The following FGG variants were observed in gnomAD, a reference collection of about 807,000 sequenced individuals.
The protein encoded by FGG is fibrinogen, gamma polypeptide.
FGG carries 20 observed loss-of-function variants against 51.7 expected under a neutral mutation model. The ratio of observed to expected loss-of-function variants is 0.39; its 90% CI spans 0.27 to 0.56. The LOEUF is 0.56. Among genes scored for constraint, FGG ranks in the 20% least tolerant of loss-of-function variants. The probability of loss-of-function intolerance (pLI) is 0.64; values close to 1 mark genes in which losing one functional copy is unlikely to be tolerated. For missense variants in FGG, 460 were observed against 534.2 expected (o/e 0.86, Z 1.37); for synonymous variants, 184 against 184.7 (o/e 1.00, Z 0.03).
At position 154,604,855 on chromosome 4, in the gene FGG, A is replaced by G; in HGVS notation, c.1341T>C (p.Leu447=). The G allele has an allele frequency of 6.2e-7, 1 of 1,614,074 alleles. No individual in the cohort carries two copies. The highest frequency in any genetic ancestry group is 8.5e-7 in the Non-Finnish European group (1 of 1,179,948). Reference sequence around the variant, plus strand: ...TTTTCTACAAATCATCCTCAGGGTAAAGTGAGTCATATTCTGTTTCCGCAG... The same window carrying G: ...TTTTCTACAAATCATCCTCAGGGTAGAGTGAGTCATATTCTGTTTCCGCAG... The part of the protein sequence containing the change: ...EHPAETEYDS[L]YPEDDL The change falls in exon 9 of 9, where the codon CTT becomes CTC. Residue 447 remains leucine (L), a synonymous_variant. Coordinates refer to ENST00000336098, the MANE Select transcript of FGG (RefSeq NM_021870.3).
In FGG at chr4:154,604,326, T is replaced by G; in HGVS notation, c.*508A>C. On this transcript the variant is annotated 3_prime_UTR_variant, in exon 9 of 9. Coordinates refer to ENST00000336098, the MANE Select transcript of FGG (RefSeq NM_021870.3). ...AAGTCCTTTAAAAAAGTAAATCTCT[T>G]TTGAAACGGTCTTTTAAACGTCTCC... is the stretch of plus-strand genomic sequence containing the variant. The G allele has an allele frequency of 1.3e-6, 2 of 1,515,096 alleles. No individual in the cohort carries two copies. The highest frequency in any genetic ancestry group is 2.3e-5 in the Admixed American group (1 of 43,476). 93.9% of individuals were successfully genotyped at this position (1,515,096 alleles called of 1,614,324 possible). A position where few individuals can be genotyped will look rare whatever the true frequency, so the allele number is the denominator to read the frequency against.
intron 5 of FGG, 152 bp from the exon 6 acceptor site, chr4:154,609,915 T>C: frequency 6.6e-7 from 1 of 1,507,582 alleles, no homozygotes; most frequent in Non-Finnish European, 9.2e-7. Flanking sequence ...AACTGTTTTT[T>C]TTAGCTATTC....
chr4:154,612,366 AG>A, intron 2 of FGG, 24 bp downstream of exon 2: 1 of 1,611,680 alleles, frequency 6.2e-7, no homozygotes, highest in Non-Finnish European at 8.5e-7. Flanking sequence ...TCACACACAA[AG>A]GGAGAAACAT....
rs148685782 is a variant in FGG, at chr4:154,611,883, G to C, written c.323C>G (p.Ala108Gly). 4,885 of 1,611,606 alleles carry C rather than the reference G, an allele frequency of 3.0e-3. 12 individuals are homozygous for C. Among genetic ancestry groups the C allele is most frequent in the Non-Finnish European group, 3.8e-3 (4,526 of 1,178,788 alleles). The change falls in exon 4 of 9, where the codon GCT (alanine) becomes GGT (glycine). Residue 108 changes from alanine (A) to glycine (G), a missense_variant. By Grantham distance (60) the Ala-to-Gly change is moderately conservative. Transcript: ENST00000336098. ...ESSKPNMIDAATLKSRKMLEE... is the reference protein window; with the variant it reads ...ESSKPNMIDAGTLKSRKMLEE... ...TAACATTTTCCTGGACTTCAAAGTAGCAGCGTCTATCATATCTGTAATATA... is the reference window on the plus strand; with the variant it reads ...TAACATTTTCCTGGACTTCAAAGTACCAGCGTCTATCATATCTGTAATATA...
At position 154,611,797 on chromosome 4, in the gene FGG, A is replaced by T; in HGVS notation, c.401+8T>A. ...TCTTGCAGAGCAAATTAAAACAAAA[A>T]TCCTTACCGAATACTTGAGTCATGT... is the stretch of plus-strand genomic sequence containing the variant. On this transcript the variant is annotated splice_region_variant and intron_variant, in intron 4 of 8. Transcript: ENST00000336098. 6.3e-7 allele frequency: 1 copy of T among 1,590,820 alleles called. No homozygotes were observed. The highest frequency in any genetic ancestry group is 1.1e-5 in the South Asian group (1 of 89,856).
chr4:154,605,411 A>T (rs905038742), intron 8 of FGG, among the ~76,000 whole-genome samples: 1 of 152,172 alleles, frequency 6.6e-6, no homozygotes, highest in African/African-American at 2.4e-5. Context: ...TTAGAAGAGA[A>T]GGAGCCACAA....
rs1263654337 is a variant in FGG, at chr4:154,611,800, C to T, written c.401+5G>A. On this transcript the variant is annotated splice_donor_5th_base_variant and intron_variant, in intron 4 of 8. Transcript: ENST00000336098. Reference sequence around the variant, plus strand: ...TGCAGAGCAAATTAAAACAAAAATCCTTACCGAATACTTGAGTCATGTGTT... The same window carrying T: ...TGCAGAGCAAATTAAAACAAAAATCTTTACCGAATACTTGAGTCATGTGTT... The T allele has an allele frequency of 6.3e-7, 1 of 1,595,280 alleles. No homozygotes were observed. The highest frequency in any genetic ancestry group is 1.7e-5 in the Admixed American group (1 of 59,446).
Position 154,607,080 on chromosome 4 carries a change from G to A in FGG, c.852-98C>T, listed in dbSNP as rs1159584318. 3.5e-6 allele frequency: 5 copies of A among 1,438,484 alleles called. No individual in the cohort carries two copies. In the East Asian group the frequency reaches 6.9e-5, roughly 20 times the overall value. 89.1% of individuals were successfully genotyped at this position (1,438,484 alleles called of 1,614,324 possible). The stretch of plus-strand genomic sequence containing the variant: ...ATGCTTCCTTGGAATTTTTGACTTT[G>A]TTTCTTAAGGCTGAAATTTGCTCAT... On this transcript the variant is annotated intron_variant, in intron 7 of 8. Coordinates refer to ENST00000336098, the MANE Select transcript of FGG (RefSeq NM_021870.3).
chr4:154,607,038 G>T, intron 7 of FGG, 56 bp from the exon 8 acceptor site: 1 of 1,500,950 alleles, frequency 6.7e-7, no homozygotes, highest in Non-Finnish European at 8.9e-7. Context: ...GATCTCAGAA[G>T]TTCCCTCTTT....
At chr4:154,609,002 C>T (rs1004481852) in intron 6 of FGG, among the ~76,000 whole-genome samples, 2 of 152,174 alleles carry the variant, frequency 1.3e-5, no homozygotes, top group Admixed American at 1.3e-4. Flanking sequence ...ATTGCTCAAT[C>T]GGTGTCTGGC....
chr4:154,611,819 A>G lies in FGG; in HGVS notation c.387T>C (p.His129=). The change falls in exon 4 of 9, where the codon CAT becomes CAC. Residue 129 remains histidine, a synonymous_variant. Coordinates refer to ENST00000336098, the MANE Select transcript of FGG (RefSeq NM_021870.3). ...AAAATCCTTACCGAATACTTGAGTCATGTGTTAAAATCGATGCTTCATATT... is the reference window on the plus strand; with the variant it reads ...AAAATCCTTACCGAATACTTGAGTCGTGTGTTAAAATCGATGCTTCATATT... ...IMKYEASILT[H]DSSIRYLQEI... is the part of the protein sequence containing the mutation. 6.2e-7 allele frequency: 1 copy of G among 1,609,404 alleles called. No individual in the cohort carries two copies. Among genetic ancestry groups the G allele is most frequent in the South Asian group, 1.1e-5 (1 of 90,752 alleles).
At position 154,611,790 on chromosome 4, in the gene FGG, A is replaced by G. The variant is rs201708362; in HGVS notation, c.401+15T>C. On this transcript the variant is annotated intron_variant, in intron 4 of 8. Coordinates refer to ENST00000336098, the MANE Select transcript of FGG (RefSeq NM_021870.3). Reference sequence around the variant, plus strand: ...AAATCAGTCTTGCAGAGCAAATTAAAACAAAAATCCTTACCGAATACTTGA... The same window carrying G: ...AAATCAGTCTTGCAGAGCAAATTAAGACAAAAATCCTTACCGAATACTTGA... 1.6e-4 allele frequency: 245 copies of G among 1,573,382 alleles called. No individual in the cohort carries two copies. The highest frequency in any genetic ancestry group is 1.4e-3 in the African/African-American group (106 of 74,158).
chr4:154,606,900 C>A lies in FGG; in HGVS notation c.934G>T (p.Ala312Ser). ...TCAAAGCCATCAAAGGCATCTCCAG[C>A]ATCCCCACCAGCGAAGTAGGCATAT... ...LTYAYFAGGD[A>S]GDAFDGFDFG... The change falls in exon 8 of 9, where the codon GCT becomes TCT. Residue 312 changes from alanine (A) to serine (S), a missense_variant. By Grantham distance (99) the Ala-to-Ser change is moderately conservative. Transcript: ENST00000336098. 6.2e-7 allele frequency: 1 copy of A among 1,613,906 alleles called. No individual in the cohort carries two copies. Among genetic ancestry groups the A allele is most frequent in the Non-Finnish European group, 8.5e-7 (1 of 1,179,846 alleles).
At chr4:154,607,321 G>A (rs1001923647) in intron 7 of FGG, among the ~76,000 whole-genome samples, 4 of 152,156 alleles carry the variant, frequency 2.6e-5, no homozygotes, top group South Asian at 2.1e-4. Context: ...TTATTGAAAT[G>A]TTATGTGTTG....
chr4:154,604,410 T>A lies in FGG; in HGVS notation c.*424A>T. Reference sequence around the variant, plus strand: ...TTAAAAAGACATAATTTTCTCCATTTAAAAAGAAGAATTAAATAGGAATGA... The same window carrying A: ...TTAAAAAGACATAATTTTCTCCATTAAAAAAGAAGAATTAAATAGGAATGA... On this transcript the variant is annotated 3_prime_UTR_variant, in exon 9 of 9. Coordinates refer to ENST00000336098, the MANE Select transcript of FGG (RefSeq NM_021870.3). The A allele has an allele frequency of 7.1e-7, 1 of 1,401,582 alleles. No individual in the cohort carries two copies. The highest frequency in any genetic ancestry group is 9.5e-7 in the Non-Finnish European group (1 of 1,047,670). 86.8% of individuals were successfully genotyped at this position (1,401,582 alleles called of 1,614,324 possible).
In FGG at chr4:154,608,494, C is replaced by A; in HGVS notation, c.823G>T (p.Glu275Ter). Residue 275 changes from glutamate to a stop codon, truncating the protein, a stop_gained, in exon 7 of 9, where the codon GAA (glutamate) becomes TAA (stop). Coordinates refer to ENST00000336098, the MANE Select transcript of FGG (RefSeq NM_021870.3). LOFTEE classifies it high-confidence loss of function. ...QSAIPYALRV[E>*]LEDWNGRTST... ...GTTCTGCCATTCCAGTCTTCCAGTT[C>A]CACTCTTAATGCATATGGGATGGCA... 1.2e-6 allele frequency: 2 copies of A among 1,613,566 alleles called. No individual in the cohort carries two copies. Among genetic ancestry groups the A allele is most frequent in the South Asian group, 1.1e-5 (1 of 91,058 alleles).
At position 154,609,834 on chromosome 4, in the gene FGG, C is replaced by G. The variant is rs1481598910; in HGVS notation, c.533-71G>C. 2.5e-6 allele frequency: 4 copies of G among 1,604,072 alleles called. No individual in the cohort carries two copies. In the African/African-American group the frequency reaches 4.0e-5, roughly 16 times the overall value. On this transcript the variant is annotated intron_variant, in intron 5 of 8. Transcript: ENST00000336098. ...AGACTGTGCCAGCCTTGAAAAATAG[C>G]TTTTAACATGTAGTAAACTATTCAT...
At chr4:154,609,867 G>T (rs1441045719) in intron 5 of FGG, 104 bp from the exon 6 acceptor site, 27 of 1,575,372 alleles carry the variant, frequency 1.7e-5, no homozygotes, top group Non-Finnish European at 2.2e-5. Flanking sequence ...CATTTTCCAA[G>T]AATAATTTTC....
intron 6 of FGG, among the ~76,000 whole-genome samples, chr4:154,608,871 ATACT>A (rs1426044711): frequency 7.9e-5 from 12 of 152,212 alleles, no homozygotes; most frequent in African/African-American, 2.2e-4. Flanking sequence ...TATAAGAGAA[ATACT>A]TAAGAGGGTT....
Sources: allele counts gnomAD v4.1 joint callset (sites outside exome capture counted in the v4.1 genomes callset), GRCh38; gene constraint gnomAD v4.1.1; transcripts MANE v1.5; gene names NCBI Gene and HGNC (gene_info 2026-07-23, HGNC 2026-07-21).